The following AMOTL1 variants were observed in gnomAD, a reference collection of about 807,000 sequenced individuals.
AMOTL1 encodes the protein angiomotin-like protein 1.
Under a neutral mutation model 102.9 loss-of-function variants are expected in AMOTL1, and 45 were observed. The ratio of observed to expected loss-of-function variants is 0.44; its 90% CI spans 0.34 to 0.56. The LOEUF (loss-of-function observed/expected upper bound fraction) is 0.56. AMOTL1 is among the 20% of genes least tolerant of loss of function. The pLI is 0.01. For synonymous variants in AMOTL1, 481 were observed against 484.7 expected, an observed-to-expected ratio of 0.99 and a Z score of 0.10; for missense variants, 1,114 against 1,225.6, an observed-to-expected ratio of 0.91 and a Z score of 1.36.
chr11:94,782,320 A>G (rs1951125774), intron 1 of AMOTL1, among the ~76,000 whole-genome samples: 1 of 152,204 alleles, frequency 6.6e-6, no homozygotes, highest in East Asian at 1.9e-4. Flanking sequence ...TTAATTTTGG[A>G]ATTTTTGGAA....
In AMOTL1 at chr11:94,821,779, G is replaced by A; in HGVS notation, c.1371G>A (p.Gln457=). Residue 457 remains glutamine, a synonymous_variant, in exon 4 of 13, where the codon CAG becomes CAA. Transcript: ENST00000433060. ...CAGAGGAGAACCGGGTGCTTCACCA[G>A]GAACTTCAGGGTTACTACGACAATG... ...ILTEENRVLH[Q]ELQGYYDNAD... 4 of 1,614,052 alleles carry A rather than the reference G, an allele frequency of 2.5e-6. No individual in the cohort carries two copies. The South Asian group carries it at 4.4e-5, about 18-fold the overall frequency.
intron 6 of AMOTL1, among the ~76,000 whole-genome samples, chr11:94,848,245 G>T (rs1226797925): frequency 1.3e-5 from 2 of 152,204 alleles, no homozygotes; most frequent in African/African-American, 4.8e-5. Flanking sequence ...CATGCCTGTT[G>T]TTGCTGAGGT....
chr11:94,857,326 G>T (rs750417796), intron 8 of AMOTL1, among the ~76,000 whole-genome samples: 2 of 152,142 alleles, frequency 1.3e-5, no homozygotes, highest in Middle Eastern at 3.2e-3. Flanking sequence ...GCATTCGTAG[G>T]TACCCTCTCC....
intron 3 of AMOTL1, among the ~76,000 whole-genome samples, chr11:94,741,399 G>A (rs1565335371): frequency 6.6e-6 from 1 of 152,210 alleles, no homozygotes; most frequent in African/African-American, 2.4e-5. Context: ...TACCTGGCAC[G>A]AGAAGGACGT....
In AMOTL1 at chr11:94,841,285, C is replaced by G. The variant is rs140372159; in HGVS notation, c.1649-8829C>G. Among the ~76,000 whole-genome samples the G allele has an allele frequency of 2.3e-3, 350 of 152,204 alleles. 2 individuals are homozygous for G. The highest frequency in any genetic ancestry group is 8.3e-3 in the African/African-American group (344 of 41,532). On this transcript the variant is annotated intron_variant, in intron 6 of 12. Transcript: ENST00000433060. ...TGGCCAACACCATGAAACCCCATCT[C>G]TACTAAAAATACAAAAATTAGCTGG...
chr11:94,836,210 C>T (rs1386187142), intron 6 of AMOTL1, among the ~76,000 whole-genome samples: 1 of 152,152 alleles, frequency 6.6e-6, no homozygotes, highest in Non-Finnish European at 1.5e-5. Context: ...TTTGAATCCT[C>T]ATTAGGTTTC....
intron 2 of AMOTL1, among the ~76,000 whole-genome samples, chr11:94,795,755 A>G (rs954591506): frequency 1.3e-5 from 2 of 152,220 alleles, no homozygotes; most frequent in South Asian, 2.1e-4. Flanking sequence ...GTTGAGATCT[A>G]TTCCTTTATT....
chr11:94,834,549 G>A (rs368176382), intron 6 of AMOTL1, among the ~76,000 whole-genome samples: 16 of 152,070 alleles, frequency 1.1e-4, no homozygotes, highest in East Asian at 1.9e-4. Flanking sequence ...CTGAGATCGC[G>A]CCACTGCACT....
intron 4 of AMOTL1, among the ~76,000 whole-genome samples, chr11:94,823,784 C>T (rs1040168183): frequency 6.6e-6 from 1 of 150,836 alleles, no homozygotes; most frequent in South Asian, 2.1e-4. Context: ...GGCGCGATCT[C>T]GGCTCACTGC....
At chr11:94,836,094 C>T (rs1185801149) in intron 6 of AMOTL1, among the ~76,000 whole-genome samples, 30 of 152,072 alleles carry the variant, frequency 2.0e-4, no homozygotes, top group Non-Finnish European at 4.4e-5. Context: ...AAGAAAATGC[C>T]TCCTGGTTTT....
At position 94,864,753 on chromosome 11, in the gene AMOTL1, C is replaced by T; in HGVS notation, c.2154C>T (p.Asn718=). 2 of 1,613,644 alleles carry T rather than the reference C, an allele frequency of 1.2e-6. No homozygotes were observed. The highest frequency in any genetic ancestry group is 1.7e-5 in the Admixed American group (1 of 60,002). ...AAAERDTTII[N]HSRNGSYGES... is the part of the protein sequence containing the mutation. ...TTGCCAGGGACACCACGATCATCAA[C>T]CACTCACGGAATGGCAGCTACGGAG... The change falls in exon 10 of 13, where the codon AAC becomes AAT. Residue 718 remains asparagine (N), a synonymous_variant. Coordinates refer to ENST00000433060, the MANE Select transcript of AMOTL1 (RefSeq NM_130847.3).
intron 4 of AMOTL1, 124 bp downstream of exon 4, chr11:94,821,945 CT>C: frequency 7.9e-7 from 1 of 1,259,888 alleles, no homozygotes; most frequent in Non-Finnish European, 1.1e-6. Context: ...CTGTGCAAGG[CT>C]TTAGGGAGAT....
At chr11:94,840,681 TACACACACACACAC>T (rs111907230) in intron 6 of AMOTL1, among the ~76,000 whole-genome samples, 3 of 104,810 alleles carry the variant, frequency 2.9e-5, no homozygotes, top group African/African-American at 1.2e-4. Context: ...TATATATATA[TACACACACACACAC>T]ACACACACAC....
chr11:94,822,983 G>C (rs1054306042), intron 4 of AMOTL1, among the ~76,000 whole-genome samples: 8 of 152,206 alleles, frequency 5.3e-5, no homozygotes, highest in African/African-American at 1.4e-4. Flanking sequence ...TAAAGTTAAA[G>C]CGTAGGAGTG....
intron 3 of AMOTL1, among the ~76,000 whole-genome samples, chr11:94,741,221 CGTGCGT>C (rs56740184): frequency 1.3e-5 from 2 of 150,386 alleles, no homozygotes; most frequent in East Asian, 1.9e-4. Flanking sequence ...TGTGTGTGTG[CGTGCGT>C]GTGCGTGTGT....
intron 3 of AMOTL1, among the ~76,000 whole-genome samples, chr11:94,755,914 GT>G (rs1196831374): frequency 6.6e-6 from 1 of 152,188 alleles, no homozygotes; most frequent in Non-Finnish European, 1.5e-5. Context: ...TGTATCCTGA[GT>G]TCTTGCCCTA....
At chr11:94,742,123 T>C (rs570200850) in intron 3 of AMOTL1, among the ~76,000 whole-genome samples, 3 of 152,330 alleles carry the variant, frequency 2.0e-5, no homozygotes, top group Non-Finnish European at 4.4e-5. Context: ...ATTCAGAGGA[T>C]GTGTTTCTGA....
chr11:94,726,504 T>C (rs1246192594), intron 1 of AMOTL1, among the ~76,000 whole-genome samples: 5 of 152,330 alleles, frequency 3.3e-5, no homozygotes, highest in East Asian at 1.9e-4. Flanking sequence ...CTGTAAGTTT[T>C]TGATGGTCTT....
At chr11:94,845,594 C>T (rs963243657) in intron 6 of AMOTL1, among the ~76,000 whole-genome samples, 9 of 152,112 alleles carry the variant, frequency 5.9e-5, no homozygotes, top group African/African-American at 9.7e-5. Flanking sequence ...AATCCTCACC[C>T]GCAGTTCTGC....
Sources: allele counts gnomAD v4.1 joint callset (sites outside exome capture counted in the v4.1 genomes callset), GRCh38; gene constraint gnomAD v4.1.1; transcripts MANE v1.5; gene names NCBI Gene and HGNC (gene_info 2026-07-23, HGNC 2026-07-21).